TSG101: variants seen among roughly 807,000 people sequenced by gnomAD.
TSG101 encodes the protein tumor susceptibility 101.
Under a neutral mutation model 48.5 loss-of-function variants are expected in TSG101, and 19 were observed. That is an observed-to-expected ratio of 0.39 (90% CI 0.27 to 0.58). The LOEUF (loss-of-function observed/expected upper bound fraction) is 0.58. Ranked by LOEUF, TSG101 falls within the 20% of genes least tolerant of loss-of-function variation. TSG101 has a pLI of 0.55. For synonymous variants in TSG101, 174 were observed against 169.4 expected (o/e 1.03, Z -0.21); for missense variants, 365 against 484.4 (o/e 0.75, Z 2.31).
chr11:18,481,070 G>A (rs1456205386), intron 9 of TSG101, among the ~76,000 whole-genome samples: 2 of 152,030 alleles, frequency 1.3e-5, no homozygotes, highest in East Asian at 3.9e-4. Flanking sequence ...ATATCCCAAG[G>A]GTGGCTGCTA....
intron 8 of TSG101, among the ~76,000 whole-genome samples, chr11:18,482,625 C>T (rs545840664): frequency 3.8e-4 from 58 of 152,328 alleles, no homozygotes; most frequent in African/African-American, 1.0e-3. Flanking sequence ...GACTTACACA[C>T]GGACTGTCCA....
intron 7 of TSG101, among the ~76,000 whole-genome samples, chr11:18,491,610 A>G (rs941286115): frequency 5.9e-5 from 9 of 152,244 alleles, no homozygotes; most frequent in African/African-American, 1.4e-4. Flanking sequence ...GCCATAAGTC[A>G]TAACTGTGAG....
In TSG101 at chr11:18,516,520, A is replaced by G. The variant is rs560207499; in HGVS notation, c.128-356T>C. ...CCACCACACCTGACTAATTTTTTGT[A>G]TCTTTAGTAGAGATGGGGCTTCACC... On this transcript the variant is annotated intron_variant, in intron 2 of 9. Transcript: ENST00000251968. Among the ~76,000 whole-genome samples the G allele has an allele frequency of 2.0e-5, 3 of 151,824 alleles. No individual in the cohort carries two copies. The East Asian group carries it at 5.9e-4, about 30-fold the overall frequency.
At chr11:18,507,337 C>G (rs976629749) in intron 5 of TSG101, among the ~76,000 whole-genome samples, 3 of 152,178 alleles carry the variant, frequency 2.0e-5, no homozygotes, top group African/African-American at 7.2e-5. Context: ...CCAATTAGCA[C>G]AGCTGATTTT....
At chr11:18,525,540 TAA>T (rs756622322) in intron 1 of TSG101, 2,883 of 111,020 alleles carry the variant, frequency 0.026, 8 homozygotes, top group African/African-American at 0.04. Context: ...AGCAAGACTC[TAA>T]AAAAAAAAAA....
At chr11:18,489,676 G>T (rs1445152660) in intron 7 of TSG101, among the ~76,000 whole-genome samples, 1 of 152,184 alleles carries the variant, frequency 6.6e-6, no homozygotes, top group Non-Finnish European at 1.5e-5. Context: ...AGACACTGTG[G>T]ACATCTGTGG....
chr11:18,487,253 AAAGTAT>A (rs1183553691), intron 7 of TSG101, among the ~76,000 whole-genome samples: 1 of 134,650 alleles, frequency 7.4e-6, no homozygotes, highest in Non-Finnish European at 1.6e-5. Context: ...CCTAAAACTT[AAAGTAT>A]AATAAAAAAA....
At chr11:18,503,253 T>C (rs997540662) in intron 6 of TSG101, among the ~76,000 whole-genome samples, 1 of 152,156 alleles carries the variant, frequency 6.6e-6, no homozygotes, top group African/African-American at 2.4e-5. Context: ...ATATAATTTA[T>C]AAATAGGAGT....
intron 4 of TSG101, among the ~76,000 whole-genome samples, chr11:18,514,116 T>C (rs115340105): frequency 0.018 from 2,723 of 151,144 alleles, 76 homozygotes; most frequent in African/African-American, 0.062. Context: ...GTAAGTACCC[T>C]GGGGGAAAAG....
At chr11:18,519,003 T>C (rs1405348043) in intron 2 of TSG101, among the ~76,000 whole-genome samples, 1 of 152,172 alleles carries the variant, frequency 6.6e-6, no homozygotes, top group East Asian at 1.9e-4. Flanking sequence ...TTAGAGGTTT[T>C]GTTTTTTATT....
At chr11:18,523,215 A>G (rs1408459598) in intron 1 of TSG101, among the ~76,000 whole-genome samples, 1 of 152,104 alleles carries the variant, frequency 6.6e-6, no homozygotes, top group African/African-American at 2.4e-5. Context: ...TACCTCTCTC[A>G]GGTGAGCTCA....
intron 2 of TSG101, among the ~76,000 whole-genome samples, chr11:18,518,258 A>G (rs1408607739): frequency 1.3e-5 from 2 of 152,200 alleles, no homozygotes; most frequent in Non-Finnish European, 2.9e-5. Context: ...TTTATTGTTC[A>G]GGAAATGCAG....
At chr11:18,497,794 C>T (rs1226430762) in intron 7 of TSG101, among the ~76,000 whole-genome samples, 1 of 152,106 alleles carries the variant, frequency 6.6e-6, no homozygotes, top group African/African-American at 2.4e-5. Flanking sequence ...CCAATCATTT[C>T]ATTATATTGT....
intron 7 of TSG101, among the ~76,000 whole-genome samples, chr11:18,499,653 T>C (rs911338967): frequency 1.1e-4 from 16 of 151,010 alleles, no homozygotes; most frequent in Non-Finnish European, 2.2e-4. Context: ...CCTCGCAATC[T>C]GCCCGCCTTG....
chr11:18,484,283 G>T (rs369120319), intron 7 of TSG101, among the ~76,000 whole-genome samples: 1 of 152,190 alleles, frequency 6.6e-6, no homozygotes, highest in Non-Finnish European at 1.5e-5. Flanking sequence ...ATTAATCCAT[G>T]TTAAACCCAG....
At chr11:18,505,837 A>T (rs1849962310) in intron 6 of TSG101, among the ~76,000 whole-genome samples, 1 of 152,208 alleles carries the variant, frequency 6.6e-6, no homozygotes, top group South Asian at 2.1e-4. Context: ...TGTTTGTTTG[A>T]GAGAGAGTTT....
chr11:18,521,050 T>C (rs1850265019), intron 1 of TSG101, among the ~76,000 whole-genome samples: 2 of 151,758 alleles, frequency 1.3e-5, no homozygotes, highest in Non-Finnish European at 2.9e-5. Flanking sequence ...AAAAAAAAAT[T>C]TGCTTTTATA....
intron 7 of TSG101, chr11:18,490,853 T>C (rs1307278524): frequency 5.5e-6 from 3 of 540,944 alleles, no homozygotes; most frequent in Non-Finnish European, 1.1e-5. Flanking sequence ...GTTGGAGTAT[T>C]CATGCCTCGT....
At chr11:18,499,982 C>T (rs1259764421) in intron 7 of TSG101, among the ~76,000 whole-genome samples, 1 of 152,160 alleles carries the variant, frequency 6.6e-6, no homozygotes, top group Non-Finnish European at 1.5e-5. Context: ...CATTAACCAA[C>T]CTTTCTTCAT....
Sources: gnomAD v4.1 joint callset for allele counts (sites outside exome capture counted in the v4.1 genomes callset) on GRCh38, gnomAD v4.1.1 for gene constraint, MANE v1.5 for transcripts, NCBI Gene and HGNC (gene_info 2026-07-23, HGNC 2026-07-21) for gene names.